The following HSD17B12 variants were observed in gnomAD, a reference collection of about 807,000 sequenced individuals.
HSD17B12 encodes the protein hydroxysteroid 17-beta dehydrogenase 12.
A neutral mutation model predicts 39.3 loss-of-function variants in HSD17B12; 32 were observed. That is an observed-to-expected ratio of 0.81 (90% CI 0.61 to 1.09). The LOEUF (loss-of-function observed/expected upper bound fraction) is 1.09, where lower values mean the gene tolerates loss of function less well. Among genes scored for constraint, HSD17B12 ranks in the 50% least tolerant of loss-of-function variants. HSD17B12 has a pLI of 0.00. For missense variants in HSD17B12, 342 were observed against 382.9 expected (o/e 0.89, Z 0.89); for synonymous variants, 150 against 146.7 (o/e 1.02, Z -0.16).
At chr11:43,751,993 CGTT>C (rs1950469273) in intron 2 of HSD17B12, among the ~76,000 whole-genome samples, 1 of 152,052 alleles carries the variant, frequency 6.6e-6, no homozygotes, top group Non-Finnish European at 1.5e-5. Flanking sequence ...CTTTTTTAAT[CGTT>C]GTTTTTCCAA....
the HSD17B12 span, among the ~76,000 whole-genome samples, chr11:43,660,839 G>C: frequency 6.6e-6 from 1 of 152,158 alleles, no homozygotes; most frequent in Non-Finnish European, 1.5e-5. Flanking sequence ...AAAAGGAACA[G>C]ACTGGCCGGG....
intron 3 of HSD17B12, among the ~76,000 whole-genome samples, chr11:43,794,446 T>TA (rs898988771): frequency 5.9e-5 from 9 of 152,142 alleles, no homozygotes; most frequent in Non-Finnish European, 2.9e-5. Flanking sequence ...AATAAGTTTT[T>TA]AAAAAAGAAG....
chr11:43,668,749 C>G, the HSD17B12 span, among the ~76,000 whole-genome samples: 1 of 151,964 alleles, frequency 6.6e-6, no homozygotes, highest in Non-Finnish European at 1.5e-5. Flanking sequence ...GTCACTCTGG[C>G]TGGAATGCAG....
the HSD17B12 span, among the ~76,000 whole-genome samples, chr11:43,604,103 C>T: frequency 6.6e-6 from 1 of 152,126 alleles, no homozygotes; most frequent in Admixed American, 6.5e-5. Context: ...CTACATGGTT[C>T]ATTCTTCTTA....
chr11:43,781,884 G>GTCCTTCAGAC (rs1164711958), intron 3 of HSD17B12, among the ~76,000 whole-genome samples: 1 of 152,062 alleles, frequency 6.6e-6, no homozygotes, highest in East Asian at 1.9e-4. Context: ...TCAGTATTTG[G>GTCCTTCAGAC]AAACATAATT....
chr11:43,597,067 T>A, the HSD17B12 span, among the ~76,000 whole-genome samples: 1 of 152,230 alleles, frequency 6.6e-6, no homozygotes, highest in Non-Finnish European at 1.5e-5. Flanking sequence ...TTACCACCTA[T>A]TAGGACAGAT....
In HSD17B12 at chr11:43,734,164, A is replaced by G. The variant is rs375984774; in HGVS notation, c.161-16747A>G. Reference sequence around the variant, plus strand: ...TGGTGGCACGCTTTGATGCTGGAGAACTAATCACCCAGAGAGAGCTGGTCT... The same window carrying G: ...TGGTGGCACGCTTTGATGCTGGAGAGCTAATCACCCAGAGAGAGCTGGTCT... On this transcript the variant is annotated intron_variant, in intron 1 of 10. Transcript: ENST00000278353. 7.0e-6 allele frequency: 11 copies of G among 1,570,028 alleles called. No homozygotes were observed. In the African/African-American group the frequency reaches 1.2e-4, roughly 17 times the overall value.
chr11:43,640,652 T>C, the HSD17B12 span, among the ~76,000 whole-genome samples: 4 of 151,984 alleles, frequency 2.6e-5, no homozygotes, highest in Non-Finnish European at 4.4e-5. Context: ...TTAAAATAGA[T>C]AAGGCTAGTT....
the HSD17B12 span, among the ~76,000 whole-genome samples, chr11:43,568,378 C>CT: frequency 1.3e-5 from 2 of 152,088 alleles, no homozygotes; most frequent in African/African-American, 2.4e-5. Context: ...GCTAGGATTA[C>CT]AGGCGTGAGC....
At chr11:43,735,538 A>G (rs1021720464) in intron 1 of HSD17B12, among the ~76,000 whole-genome samples, 3 of 152,180 alleles carry the variant, frequency 2.0e-5, no homozygotes, top group Non-Finnish European at 2.9e-5. Flanking sequence ...GGCCATTTGT[A>G]TATCCTCTTT....
the HSD17B12 span, among the ~76,000 whole-genome samples, chr11:43,634,265 A>G: frequency 6.6e-6 from 1 of 151,888 alleles, no homozygotes; most frequent in Non-Finnish European, 1.5e-5. Flanking sequence ...GGGACCTTTT[A>G]CCCTAGTCTC....
At chr11:43,620,390 T>C in the HSD17B12 span, among the ~76,000 whole-genome samples, 1 of 152,192 alleles carries the variant, frequency 6.6e-6, no homozygotes, top group Non-Finnish European at 1.5e-5. Flanking sequence ...TTCTCATCAG[T>C]CTCACTTCAG....
At chr11:43,837,484 A>G (rs1027039721) in intron 7 of HSD17B12, among the ~76,000 whole-genome samples, 6 of 152,132 alleles carry the variant, frequency 3.9e-5, no homozygotes, top group African/African-American at 1.4e-4. Context: ...TAACCTATAC[A>G]TACTTTTTAA....
At chr11:43,675,366 G>C in the HSD17B12 span, among the ~76,000 whole-genome samples, 2 of 152,058 alleles carry the variant, frequency 1.3e-5, no homozygotes, top group Admixed American at 1.3e-4. Flanking sequence ...TGGGAAGATA[G>C]TAAGAGGTTC....
intron 9 of HSD17B12, 134 bp from the exon 10 acceptor site, chr11:43,854,581 C>T: frequency 1.0e-6 from 1 of 968,134 alleles, no homozygotes; most frequent in South Asian, 1.8e-5. Flanking sequence ...TAGATAGCCA[C>T]TTCTCTTTTC....
chr11:43,736,828 C>T (rs771186396), intron 1 of HSD17B12, among the ~76,000 whole-genome samples: 1 of 152,154 alleles, frequency 6.6e-6, no homozygotes, highest in Non-Finnish European at 1.5e-5. Context: ...AGCATTTGCT[C>T]TCAGGGACTT....
chr11:43,829,873 A>T (rs978186178), intron 6 of HSD17B12: 9 of 152,304 alleles, frequency 5.9e-5, no homozygotes, highest in African/African-American at 1.7e-4. Flanking sequence ...GCTAAATAAA[A>T]AAAAAAAAGT....
the HSD17B12 span, among the ~76,000 whole-genome samples, chr11:43,625,583 A>G: frequency 6.6e-6 from 1 of 151,416 alleles, no homozygotes; most frequent in Admixed American, 6.6e-5. Flanking sequence ...ATTTTATCAC[A>G]TGTTTATTTG....
At chr11:43,637,148 A>G in the HSD17B12 span, among the ~76,000 whole-genome samples, 87 of 152,198 alleles carry the variant, frequency 5.7e-4, no homozygotes, top group African/African-American at 2.1e-3. Flanking sequence ...AGCTCTCAGT[A>G]AATGTGAAAG....
Sources: allele counts gnomAD v4.1 joint callset (sites outside exome capture counted in the v4.1 genomes callset), GRCh38; gene constraint gnomAD v4.1.1; transcripts MANE v1.5; gene names NCBI Gene and HGNC (gene_info 2026-07-23, HGNC 2026-07-21).